Variants in PTPN4 observed in about 807,000 individuals in gnomAD.
PTPN4 encodes the protein protein tyrosine phosphatase non-receptor type 4.
A neutral mutation model predicts 135.5 loss-of-function variants in PTPN4; 49 were observed. That is an observed-to-expected ratio of 0.36 (90% CI 0.29 to 0.46). The LOEUF (loss-of-function observed/expected upper bound fraction) is 0.46. Ranked by LOEUF, PTPN4 falls within the 20% of genes least tolerant of loss-of-function variation. PTPN4 has a pLI of 1.00. For synonymous variants in PTPN4, 333 were observed against 369.9 expected, an observed-to-expected ratio of 0.90 and a Z score of 1.14; for missense variants, 860 against 1,101.0, an observed-to-expected ratio of 0.78 and a Z score of 3.10.
At chr2:119,930,382 A>C (rs1267237264) in intron 13 of PTPN4, among the ~76,000 whole-genome samples, 2 of 151,716 alleles carry the variant, frequency 1.3e-5, no homozygotes, top group Non-Finnish European at 2.9e-5. Context: ...GTAGATTCAT[A>C]AGTAACTTAA....
intron 2 of PTPN4, among the ~76,000 whole-genome samples, chr2:119,837,359 G>A (rs1009475690): frequency 1.3e-5 from 2 of 151,868 alleles, no homozygotes; most frequent in Non-Finnish European, 2.9e-5. Context: ...TTGTCGGGTC[G>A]ACCTGCCTGT....
chr2:119,837,637 T>C (rs1409768261), intron 2 of PTPN4, among the ~76,000 whole-genome samples: 1 of 152,222 alleles, frequency 6.6e-6, no homozygotes, highest in Non-Finnish European at 1.5e-5. Flanking sequence ...CGCCATGTTG[T>C]GGGCAACGAG....
chr2:119,770,778 T>G (rs1690718735), intron 1 of PTPN4, among the ~76,000 whole-genome samples: 1 of 152,198 alleles, frequency 6.6e-6, no homozygotes, highest in Non-Finnish European at 1.5e-5. Context: ...CTTTTACTTG[T>G]GTAACCCATT....
At chr2:119,796,695 C>T (rs1691266798) in intron 1 of PTPN4, among the ~76,000 whole-genome samples, 1 of 152,050 alleles carries the variant, frequency 6.6e-6, no homozygotes, top group Non-Finnish European at 1.5e-5. Flanking sequence ...GCATTTGTTA[C>T]CTAGGAACGC....
At chr2:119,764,317 G>A (rs1690568629) in intron 1 of PTPN4, among the ~76,000 whole-genome samples, 1 of 152,154 alleles carries the variant, frequency 6.6e-6, no homozygotes, top group Admixed American at 6.5e-5. Context: ...AAAATATATA[G>A]GAGTTCCCCG....
chr2:119,943,753 ATT>A (rs1299148723), intron 15 of PTPN4, among the ~76,000 whole-genome samples: 1 of 150,780 alleles, frequency 6.6e-6, no homozygotes, highest in Non-Finnish European at 1.5e-5. Context: ...TGCCTAGCTA[ATT>A]TTTTTGTATT....
intron 19 of PTPN4, among the ~76,000 whole-genome samples, chr2:119,954,371 C>CT (rs910587848): frequency 6.6e-6 from 1 of 152,150 alleles, no homozygotes; most frequent in Non-Finnish European, 1.5e-5. Flanking sequence ...TTCTATACCA[C>CT]TTTTTTTCAA....
intron 9 of PTPN4, among the ~76,000 whole-genome samples, chr2:119,887,050 C>T (rs756402880): frequency 2.6e-5 from 4 of 151,050 alleles, no homozygotes; most frequent in African/African-American, 4.9e-5. Flanking sequence ...CCTTTATTTT[C>T]CTTCCTTATT....
At chr2:119,777,893 G>A (rs1690865644) in intron 1 of PTPN4, among the ~76,000 whole-genome samples, 1 of 152,002 alleles carries the variant, frequency 6.6e-6, no homozygotes, top group African/African-American at 2.4e-5. Context: ...TGGGCTCAAA[G>A]GATGCTCTGG....
chr2:119,882,681 A>T, intron 8 of PTPN4, 58 bp downstream of exon 8: 1 of 1,330,182 alleles, frequency 7.5e-7, no homozygotes, highest in Non-Finnish European at 1.0e-6. Flanking sequence ...TTTCTAGAGA[A>T]ATGTTTGAAA....
intron 1 of PTPN4, among the ~76,000 whole-genome samples, chr2:119,801,367 C>T (rs964237332): frequency 2.0e-5 from 3 of 152,200 alleles, no homozygotes; most frequent in Non-Finnish European, 4.4e-5. Context: ...GGATTACAGG[C>T]GTGAGTCACT....
chr2:119,864,165 T>A (rs1178384596), intron 3 of PTPN4, among the ~76,000 whole-genome samples: 1 of 152,114 alleles, frequency 6.6e-6, no homozygotes, highest in Non-Finnish European at 1.5e-5. Context: ...AGAAATAACA[T>A]TGGTTAGCGA....
intron 3 of PTPN4, among the ~76,000 whole-genome samples, chr2:119,870,285 G>A (rs1159817447): frequency 6.6e-6 from 1 of 152,014 alleles, no homozygotes; most frequent in Non-Finnish European, 1.5e-5. Context: ...AACTTAAGCA[G>A]GAGTGTCAAG....
chr2:119,948,086 G>T (rs1679162517), intron 18 of PTPN4, among the ~76,000 whole-genome samples: 1 of 152,108 alleles, frequency 6.6e-6, no homozygotes, highest in South Asian at 2.1e-4. Context: ...CTATTAATAT[G>T]TATGTAAAAG....
At chr2:119,948,603 C>T (rs1027249835) in intron 18 of PTPN4, among the ~76,000 whole-genome samples, 1 of 151,906 alleles carries the variant, frequency 6.6e-6, no homozygotes, top group Admixed American at 6.6e-5. Context: ...CAAATGTGGA[C>T]TAGGGAACAA....
At chr2:119,786,707 C>G (rs1691054287) in intron 1 of PTPN4, among the ~76,000 whole-genome samples, 1 of 152,182 alleles carries the variant, frequency 6.6e-6, no homozygotes, top group Non-Finnish European at 1.5e-5. Context: ...TTTCTGCTAT[C>G]CTCTTATTCA....
At chr2:119,840,064 A>G (rs72836834) in intron 2 of PTPN4, among the ~76,000 whole-genome samples, 3,164 of 152,084 alleles carry the variant, frequency 0.021, 60 homozygotes, top group Non-Finnish European at 0.033. Context: ...ATCTTCTTGC[A>G]TTTTTCTTCA....
chr2:119,787,261 T>C (rs769830589), intron 1 of PTPN4, among the ~76,000 whole-genome samples: 1 of 152,146 alleles, frequency 6.6e-6, no homozygotes, highest in Admixed American at 6.5e-5. Flanking sequence ...GGGAAGGACA[T>C]TGAGGGAAAC....
At chr2:119,919,013 C>T (rs1678700111) in intron 11 of PTPN4, among the ~76,000 whole-genome samples, 1 of 152,242 alleles carries the variant, frequency 6.6e-6, no homozygotes, top group African/African-American at 2.4e-5. Flanking sequence ...AGTTCAAAAA[C>T]AAGCATGACT....
Sources: allele counts gnomAD v4.1 joint callset (sites outside exome capture counted in the v4.1 genomes callset), GRCh38; gene constraint gnomAD v4.1.1; transcripts MANE v1.5; gene names NCBI Gene and HGNC (gene_info 2026-07-23, HGNC 2026-07-21).